Variants in ROBO2 observed in about 807,000 individuals in gnomAD.
The protein encoded by ROBO2 is roundabout guidance receptor 2, also known as roundabout homolog 2.
Under a neutral mutation model 160.8 loss-of-function variants are expected in ROBO2, and 53 were observed. The ratio of observed to expected loss-of-function variants is 0.33; its 90% confidence interval spans 0.26 to 0.41. The LOEUF (loss-of-function observed/expected upper bound fraction) is 0.41. ROBO2 is among the 10% of genes least tolerant of loss of function. The pLI is 1.00. For missense variants in ROBO2, 1,577 were observed against 1,722.4 expected (o/e 0.92, Z 1.49); for synonymous variants, 664 against 611.7 (o/e 1.09, Z -1.26).
At chr3:76,622,258 GAAA>G (rs2089235785) in intron 2 of ROBO2, among the ~76,000 whole-genome samples, 1 of 64,452 alleles carries the variant, frequency 1.6e-5, no homozygotes, top group African/African-American at 6.2e-5. Context: ...AAGAAAGAAA[GAAA>G]GAAAGAAAGA....
At chr3:77,094,759 C>T (rs557654003) in intron 1 of ROBO2, among the ~76,000 whole-genome samples, 14 of 152,084 alleles carry the variant, frequency 9.2e-5, no homozygotes, top group African/African-American at 2.7e-4. Flanking sequence ...ATTGTAGTTT[C>T]GATTTGCATT....
At chr3:76,434,074 G>GGCAGTATCCCATACCTCTGACAT in intron 2 of ROBO2, 1 of 1,317,514 alleles carries the variant, frequency 7.6e-7, no homozygotes, top group East Asian at 2.3e-5. Flanking sequence ...GCCTCCTGGA[G>GGCAGTATCCCATACCTCTGACAT]GCAGTATCCC....
At chr3:77,369,483 T>C (rs1043369450) in intron 2 of ROBO2, among the ~76,000 whole-genome samples, 2 of 152,064 alleles carry the variant, frequency 1.3e-5, no homozygotes, top group African/African-American at 2.4e-5. Context: ...TAATGTTGAG[T>C]GATGCTAGCA....
intron 2 of ROBO2, among the ~76,000 whole-genome samples, chr3:77,122,960 T>G (rs894487417): frequency 1.2e-4 from 18 of 151,160 alleles, no homozygotes; most frequent in Non-Finnish European, 3.0e-5. Flanking sequence ...TGTGAGGGGC[T>G]TTTTTTTTCA....
rs116249593 is a variant in ROBO2 at position 77,611,710 on chromosome 3, A to G, written c.3293+3756A>G. Among the ~76,000 whole-genome samples the G allele has an allele frequency of 3.1e-3, 469 of 152,316 alleles. 3 individuals carry two copies. The highest frequency in any genetic ancestry group is 0.01 in the African/African-American group (431 of 41,574). On this transcript the variant is annotated intron_variant, in intron 21 of 25. Coordinates refer to ENST00000461745, the Ensembl canonical transcript of ROBO2. ...TCAAAATAAATATCAAAATCAAATA[A>G]AAAGTATCAGAATATCAAAAGTTAT...
intron 2 of ROBO2, among the ~76,000 whole-genome samples, chr3:77,394,314 G>A (rs2153503945): frequency 6.6e-6 from 1 of 152,202 alleles, no homozygotes; most frequent in South Asian, 2.1e-4. Flanking sequence ...AGTGGCTTCT[G>A]GGAGGGAGAT....
chr3:76,491,786 G>T (rs2079839002), intron 2 of ROBO2, among the ~76,000 whole-genome samples: 1 of 151,954 alleles, frequency 6.6e-6, no homozygotes, highest in African/African-American at 2.4e-5. Flanking sequence ...TAGGTTGTGG[G>T]ACTGGAGACT....
At chr3:77,218,636 T>C (rs2085304715) in intron 2 of ROBO2, among the ~76,000 whole-genome samples, 2 of 152,162 alleles carry the variant, frequency 1.3e-5, no homozygotes, top group Non-Finnish European at 2.9e-5. Context: ...CCTTCCAAAG[T>C]GCTGGGATTA....
chr3:77,059,617 A>G (rs1435343044), intron 1 of ROBO2, among the ~76,000 whole-genome samples: 2 of 152,134 alleles, frequency 1.3e-5, no homozygotes, highest in South Asian at 2.1e-4. Context: ...TGATTTATTG[A>G]TGTGGGAATT....
intron 2 of ROBO2, among the ~76,000 whole-genome samples, chr3:76,666,861 T>C (rs1051567918): frequency 6.6e-6 from 1 of 152,080 alleles, no homozygotes. Flanking sequence ...CTAATAATGA[T>C]TTAGAAAACA....
At chr3:76,733,484 T>C (rs1318845160) in intron 2 of ROBO2, among the ~76,000 whole-genome samples, 2 of 152,244 alleles carry the variant, frequency 1.3e-5, no homozygotes, top group African/African-American at 4.8e-5. Context: ...TTGTTAGCAA[T>C]GATGTCTACA....
chr3:77,352,200 A>G (rs1190266508), intron 2 of ROBO2, among the ~76,000 whole-genome samples: 1 of 151,646 alleles, frequency 6.6e-6, no homozygotes, highest in African/African-American at 2.4e-5. Flanking sequence ...ACAGAAACAC[A>G]TAATGAATGA....
chr3:76,632,732 A>G (rs1312024738), intron 2 of ROBO2, among the ~76,000 whole-genome samples: 4 of 152,326 alleles, frequency 2.6e-5, no homozygotes. Context: ...AATTTCAAAA[A>G]CATAAGTAAT....
intron 2 of ROBO2, among the ~76,000 whole-genome samples, chr3:76,803,536 G>A (rs533589775): frequency 6.6e-6 from 1 of 151,042 alleles, no homozygotes; most frequent in East Asian, 2.0e-4. Flanking sequence ...AAAAAGAAAG[G>A]AAAGTAGGAA....
At chr3:76,009,514 A>G (rs1303724828) in intron 2 of ROBO2, among the ~76,000 whole-genome samples, 1 of 152,204 alleles carries the variant, frequency 6.6e-6, no homozygotes, top group Admixed American at 6.5e-5. Flanking sequence ...CTGGGGTAGC[A>G]TGTTCTGAAC....
intron 2 of ROBO2, among the ~76,000 whole-genome samples, chr3:76,742,215 C>T (rs1216647806): frequency 6.6e-6 from 1 of 151,910 alleles, no homozygotes; most frequent in Non-Finnish European, 1.5e-5. Flanking sequence ...ACATATTTTA[C>T]CTAAAGAAGA....
chr3:76,435,523 C>T, intron 2 of ROBO2: 2 of 619,452 alleles, frequency 3.2e-6, no homozygotes, highest in South Asian at 3.8e-5. Flanking sequence ...CCTTGGTGCT[C>T]TTAAAACTGC....
intron 6 of ROBO2, 151 bp from the exon 8 acceptor site, chr3:77,546,187 T>C: frequency 1.2e-6 from 1 of 868,502 alleles, no homozygotes; most frequent in Non-Finnish European, 1.8e-6. Flanking sequence ...ATGTCTTTCT[T>C]TTTGTGTTTT....
chr3:77,249,597 A>G (rs957720715), intron 2 of ROBO2, among the ~76,000 whole-genome samples: 13 of 147,254 alleles, frequency 8.8e-5, no homozygotes, highest in Admixed American at 2.8e-4. Context: ...AAAATGAGAT[A>G]TTGACTCAAA....
Sources: allele counts gnomAD v4.1 joint callset (sites outside exome capture counted in the v4.1 genomes callset), GRCh38; gene constraint gnomAD v4.1.1; transcripts MANE v1.5; gene names NCBI Gene and HGNC (gene_info 2026-07-23, HGNC 2026-07-21).